The following FAM107A variants were observed in gnomAD, a reference collection of about 807,000 sequenced individuals.
The protein encoded by FAM107A is family with sequence similarity 107 member A.
In FAM107A, 19 loss-of-function variants were observed where a neutral mutation model predicts 13.7. The ratio of observed to expected loss-of-function variants is 1.38; its 90% CI spans 0.97 to 2.03. The LOEUF is 2.03. Ranked by LOEUF, FAM107A falls within the 30% of genes most tolerant of loss-of-function variation. The probability of loss-of-function intolerance (pLI) is 0.00; values close to 1 mark genes in which losing one functional copy is unlikely to be tolerated. For synonymous variants in FAM107A, 82 were observed against 74.5 expected (o/e 1.10, Z -0.52); for missense variants, 203 against 184.4 (o/e 1.10, Z -0.58).
At chr3:58,626,607 T>C (rs2066020306) in intron 1 of FAM107A, among the ~76,000 whole-genome samples, 1 of 152,180 alleles carries the variant, frequency 6.6e-6, no homozygotes, top group East Asian at 1.9e-4. Context: ...TAGCTAACTT[T>C]ATAATAATAA....
At chr3:58,624,271 A>G (rs1221433774) in intron 1 of FAM107A, among the ~76,000 whole-genome samples, 4 of 152,224 alleles carry the variant, frequency 2.6e-5, no homozygotes, top group African/African-American at 9.6e-5. Flanking sequence ...GTGTGTTAAA[A>G]TATCTTCTTG....
At chr3:58,596,699 G>A (rs1317541279) in intron 1 of FAM107A, among the ~76,000 whole-genome samples, 1 of 151,718 alleles carries the variant, frequency 6.6e-6, no homozygotes, top group Non-Finnish European at 1.5e-5. Context: ...AAAAATTGAG[G>A]TGTAGCATAA....
intron 1 of FAM107A, among the ~76,000 whole-genome samples, chr3:58,623,218 A>G (rs1026003489): frequency 1.3e-5 from 2 of 152,070 alleles, no homozygotes; most frequent in Non-Finnish European, 2.9e-5. Flanking sequence ...TAGTGCTTCT[A>G]TTTTTTTCCC....
chr3:58,568,575 T>C (rs2063648085), intron 2 of FAM107A, among the ~76,000 whole-genome samples: 1 of 152,228 alleles, frequency 6.6e-6, no homozygotes, highest in South Asian at 2.1e-4. Context: ...ATTGTGGTGA[T>C]GTTTTTTGAT....
chr3:58,577,382 G>A lies in FAM107A; in HGVS notation c.-79C>T, dbSNP rs1246685767. On this transcript the variant is annotated 5_prime_UTR_variant, in exon 1 of 4. Coordinates refer to ENST00000360997, the MANE Select transcript of FAM107A (RefSeq NM_001076778.3). This position sits in a 1 kb window ranked among gnomAD's most constrained non-coding sequence, Gnocchi z 4.9. The stretch of plus-strand genomic sequence containing the variant: ...TTCCTCACTCCACCGGGAAGTCCCA[G>A]ACTAGCAAGGAGGGCTGCCTCTAGA... The A allele has an allele frequency of 2.0e-6, 2 of 985,302 alleles. No homozygotes were observed. Among genetic ancestry groups the A allele is most frequent in the African/African-American group, 3.5e-5 (2 of 57,228 alleles). 61.0% of individuals were successfully genotyped at this position (985,302 alleles called of 1,614,324 possible).
intron 1 of FAM107A, among the ~76,000 whole-genome samples, chr3:58,597,685 A>G (rs2065719458): frequency 6.6e-6 from 1 of 152,270 alleles, no homozygotes; most frequent in South Asian, 2.1e-4. Flanking sequence ...AGTGCTAGGC[A>G]CTGTGACATG....
rs1426584348 is a variant in FAM107A at position 58,613,262 on chromosome 3, A to G, written c.-70+14154T>C. 2.0e-5 allele frequency among the ~76,000 whole-genome samples: 3 copies of G among 152,208 alleles called. No individual in the cohort carries two copies. Among genetic ancestry groups the G allele is most frequent in the Non-Finnish European group, 4.4e-5 (3 of 68,032 alleles). On this transcript the variant is annotated intron_variant, in intron 1 of 3. Coordinates refer to the FAM107A transcript ENST00000465970. The surrounding 1 kb of genome is among the most constrained non-coding windows in gnomAD (Gnocchi z 4.6). Reference sequence around the variant, plus strand: ...TATAGATGAGGAAACTGAGGCTGAGAGATCAAGGAGGTGGCCAAGGTTACA... The same window carrying G: ...TATAGATGAGGAAACTGAGGCTGAGGGATCAAGGAGGTGGCCAAGGTTACA...
In FAM107A at chr3:58,617,064, G is replaced by T. The variant is rs1366869426; in HGVS notation, c.-70+10352C>A. 6.6e-6 allele frequency among the ~76,000 whole-genome samples: 1 copy of T among 152,156 alleles called. No homozygotes were observed. Among genetic ancestry groups the T allele is most frequent in the South Asian group, 2.1e-4 (1 of 4,826 alleles). On this transcript the variant is annotated intron_variant, in intron 1 of 3. Transcript: ENST00000465970. This position sits in a 1 kb window ranked among gnomAD's most constrained non-coding sequence, Gnocchi z 4.5. Reference sequence around the variant, plus strand: ...TGGGATTACAGGCGTGAGCCACCGCGCCTGGCCTCGGCTACCCAGTTTCTG... The same window carrying T: ...TGGGATTACAGGCGTGAGCCACCGCTCCTGGCCTCGGCTACCCAGTTTCTG...
At chr3:58,586,439 AGTAATTAAAAAGAATGAC>A (rs1448750133) in intron 1 of FAM107A, among the ~76,000 whole-genome samples, 6 of 152,216 alleles carry the variant, frequency 3.9e-5, no homozygotes, top group African/African-American at 1.4e-4. Flanking sequence ...AGAAAAAAAA[AGTAATTAAAAAGAATGAC>A]GTGAGGATTG....
chr3:58,621,956 A>C (rs1399775345), intron 1 of FAM107A, among the ~76,000 whole-genome samples: 1 of 152,206 alleles, frequency 6.6e-6, no homozygotes, highest in Admixed American at 6.5e-5. Context: ...TAGCCCTTTC[A>C]TGGGGCATTT....
At chr3:58,570,465 T>C (rs992845362) in intron 1 of FAM107A, 2 of 667,542 alleles carry the variant, frequency 3.0e-6, no homozygotes, top group African/African-American at 2.0e-5. Context: ...GGCTACTCAA[T>C]GGCCCCACTT....
chr3:58,592,358 A>C (rs2065660946), intron 1 of FAM107A, among the ~76,000 whole-genome samples: 1 of 152,130 alleles, frequency 6.6e-6, no homozygotes, highest in Non-Finnish European at 1.5e-5. Flanking sequence ...GAGTTCAAAG[A>C]AGTGTTCCTT....
chr3:58,600,435 G>A (rs747088599), intron 1 of FAM107A, among the ~76,000 whole-genome samples: 4 of 152,168 alleles, frequency 2.6e-5, no homozygotes, highest in Non-Finnish European at 5.9e-5. Context: ...ACTAACCCCT[G>A]CAACAGCCCA....
chr3:58,568,519 A>G (rs1210609552), intron 2 of FAM107A, among the ~76,000 whole-genome samples: 1 of 152,158 alleles, frequency 6.6e-6, no homozygotes, highest in Non-Finnish European at 1.5e-5. Flanking sequence ...AAATTTATTT[A>G]TATTACAAAT....
chr3:58,581,021 C>T (rs979736807), upstream of FAM107A, among the ~76,000 whole-genome samples: 9 of 152,230 alleles, frequency 5.9e-5, no homozygotes, highest in African/African-American at 1.7e-4. Context: ...GCCTTTGAGG[C>T]GTTTACTCCA....
At chr3:58,586,945 G>A in exon 1 of FAM107A, 8 of 1,525,098 alleles carry the variant, frequency 5.2e-6, no homozygotes, top group Non-Finnish European at 7.0e-6. Flanking sequence ...ATGCCCCCGC[G>A]CCTCCTACTG....
At chr3:58,602,404 C>T (rs969920250) in intron 1 of FAM107A, among the ~76,000 whole-genome samples, 5 of 152,232 alleles carry the variant, frequency 3.3e-5, no homozygotes, top group East Asian at 1.9e-4. Context: ...GGGAAACGTG[C>T]GTTGAAAGCC....
At chr3:58,580,204 C>T (rs1300089510), upstream of FAM107A, among the ~76,000 whole-genome samples, 1 of 151,712 alleles carries the variant, frequency 6.6e-6, no homozygotes, top group Non-Finnish European at 1.5e-5. Context: ...AATGAAAAAT[C>T]ATATGTAGTA....
chr3:58,622,466 G>A (rs898903871), intron 1 of FAM107A, among the ~76,000 whole-genome samples: 4 of 152,106 alleles, frequency 2.6e-5, no homozygotes, highest in African/African-American at 9.7e-5. Context: ...CCAAAAGAAA[G>A]CATTTAGCAT....
Sources: allele counts gnomAD v4.1 joint callset (sites outside exome capture counted in the v4.1 genomes callset), GRCh38; gene constraint gnomAD v4.1.1; non-coding constraint Gnocchi (gnomAD v3.1); transcripts MANE v1.5; gene names NCBI Gene and HGNC (gene_info 2026-07-23, HGNC 2026-07-21).